The following KCNK12 variants were observed in gnomAD, a reference collection of about 807,000 sequenced individuals.
KCNK12 encodes the protein potassium channel subfamily K member 12.
KCNK12 carries 6 observed loss-of-function variants against 25.3 expected under a neutral mutation model. That is an observed-to-expected ratio of 0.24 (90% CI 0.13 to 0.47). The LOEUF (loss-of-function observed/expected upper bound fraction) is 0.47. Among genes scored for constraint, KCNK12 ranks in the 20% least tolerant of loss-of-function variants. KCNK12 has a pLI of 0.99. For missense variants in KCNK12, 444 were observed against 661.7 expected (o/e 0.67, Z 3.61); for synonymous variants, 331 against 311.1 (o/e 1.06, Z -0.67).
chr2:47,532,011 C>T (rs1391472345), intron 1 of KCNK12, among the ~76,000 whole-genome samples: 4 of 151,904 alleles, frequency 2.6e-5, no homozygotes, highest in Non-Finnish European at 1.5e-5. Context: ...CATGTCACTG[C>T]ACTCCAGCCT....
At chr2:47,558,553 CT>C (rs1438589228) in intron 1 of KCNK12, among the ~76,000 whole-genome samples, 9 of 152,340 alleles carry the variant, frequency 5.9e-5, no homozygotes, top group Non-Finnish European at 1.0e-4. Context: ...CCGTGCCTAC[CT>C]TTCCCCCTCG....
chr2:47,568,065 A>G (rs549295540), intron 1 of KCNK12, among the ~76,000 whole-genome samples: 1 of 152,160 alleles, frequency 6.6e-6, no homozygotes, highest in African/African-American at 2.4e-5. Flanking sequence ...GGATGGACTC[A>G]TGGCCCAAAA....
rs1036354730 is a variant in KCNK12, at chr2:47,562,052, C to T, written c.391+7889G>A. 2 of 398,504 alleles carry T rather than the reference C, an allele frequency of 5.0e-6. No homozygotes were observed. Among genetic ancestry groups the T allele is most frequent in the African/African-American group, 4.1e-5 (2 of 48,630 alleles). The allele number at this position is 398,504 out of a possible 1,614,324, so 24.7% of individuals were successfully genotyped here. On this transcript the variant is annotated intron_variant, in intron 1 of 1. Coordinates refer to ENST00000327876, the MANE Select transcript of KCNK12 (RefSeq NM_022055.2). This position sits in a 1 kb window ranked among gnomAD's most constrained non-coding sequence, Gnocchi z 4.8. ...TTAGTGGCAGAGCCAGGTCTAGACTCCTAGTGCCTGACTCACCGCTGTTCT... is the reference window on the plus strand; with the variant it reads ...TTAGTGGCAGAGCCAGGTCTAGACTTCTAGTGCCTGACTCACCGCTGTTCT...
chr2:47,522,744 T>C (rs12612785), intron 1 of KCNK12, among the ~76,000 whole-genome samples: 29,110 of 152,246 alleles, frequency 0.19, 3,743 homozygotes, highest in East Asian at 0.53. Context: ...GGGTAGTCCG[T>C]CACTTCCCTA....
In KCNK12 at chr2:47,551,105, G is replaced by A. The variant is rs72872826; in HGVS notation, c.391+18836C>T. Among the ~76,000 whole-genome samples the A allele has an allele frequency of 0.038, 5,855 of 152,176 alleles. 165 individuals carry two copies. The highest frequency in any genetic ancestry group is 0.072 in the African/African-American group (2,980 of 41,514). On this transcript the variant is annotated intron_variant, in intron 1 of 1. Coordinates refer to ENST00000327876, the MANE Select transcript of KCNK12 (RefSeq NM_022055.2). This position sits in a 1 kb window ranked among gnomAD's most constrained non-coding sequence, Gnocchi z 5.3. Reference sequence around the variant, plus strand: ...CCCAAAGGTCTTGCCGTGGCCTGGAGACCCTGCATGACCTAGTCTCTGGCT... The same window carrying A: ...CCCAAAGGTCTTGCCGTGGCCTGGAAACCCTGCATGACCTAGTCTCTGGCT...
Position 47,547,695 on chromosome 2 carries a change from T to G in KCNK12, c.391+22246A>C, listed in dbSNP as rs1383678760. Among the ~76,000 whole-genome samples the G allele has an allele frequency of 6.6e-6, 1 of 152,182 alleles. No individual in the cohort carries two copies. Among genetic ancestry groups the G allele is most frequent in the Non-Finnish European group, 1.5e-5 (1 of 68,036 alleles). On this transcript the variant is annotated intron_variant, in intron 1 of 1. Transcript: ENST00000327876. This position sits in a 1 kb window ranked among gnomAD's most constrained non-coding sequence, Gnocchi z 5.0. ...TCACAGCAACCTCTGCCTCCCTGTT[T>G]CAAGCGAGTCTCCTGCCTCAGCCTC...
rs904976688 is a variant in KCNK12 at position 47,538,936 on chromosome 2, A to G, written c.392-17128T>C. 6.6e-6 allele frequency among the ~76,000 whole-genome samples: 1 copy of G among 152,258 alleles called. No individual in the cohort carries two copies. Among genetic ancestry groups the G allele is most frequent in the Admixed American group, 6.5e-5 (1 of 15,288 alleles). ...AAAAAGAAATATAATATTCAAGTAG[A>G]TTTCAAGCAACAGCAGATATGCTGA... On this transcript the variant is annotated intron_variant, in intron 1 of 1. Transcript: ENST00000327876. This position sits in a 1 kb window ranked among gnomAD's most constrained non-coding sequence, Gnocchi z 4.5.
At chr2:47,567,724 C>T (rs528974792) in intron 1 of KCNK12, among the ~76,000 whole-genome samples, 1 of 152,214 alleles carries the variant, frequency 6.6e-6, no homozygotes, top group Non-Finnish European at 1.5e-5. Context: ...ATTTTGGAAG[C>T]AACGTGCTGG....
At chr2:47,539,159 G>A (rs1325644516) in intron 1 of KCNK12, among the ~76,000 whole-genome samples, 3 of 152,098 alleles carry the variant, frequency 2.0e-5, no homozygotes, top group African/African-American at 7.2e-5. Flanking sequence ...TTGTAGACAG[G>A]GAAACTGAAT....
chr2:47,550,668 C>T (rs974259769), intron 1 of KCNK12, among the ~76,000 whole-genome samples: 1 of 152,072 alleles, frequency 6.6e-6, no homozygotes, highest in Non-Finnish European at 1.5e-5. Context: ...CAGGTGTGAG[C>T]CACCACACCT....
chr2:47,563,663 A>G, intron 1 of KCNK12: 1 of 232,836 alleles, frequency 4.3e-6, no homozygotes, highest in East Asian at 6.0e-5. Context: ...ACTGGTCCGG[A>G]CTCCAGCCCC....
At chr2:47,563,176 T>A in intron 1 of KCNK12, 1 of 232,830 alleles carries the variant, frequency 4.3e-6, no homozygotes, top group East Asian at 6.0e-5. Flanking sequence ...CAAGCAGGAG[T>A]TTTTACCCAA....
rs1348087149 is a variant in KCNK12, at chr2:47,562,455, G to C, written c.391+7486C>G. On this transcript the variant is annotated intron_variant, in intron 1 of 1. Coordinates refer to ENST00000327876, the MANE Select transcript of KCNK12 (RefSeq NM_022055.2). The surrounding 1 kb of genome is among the most constrained non-coding windows in gnomAD (Gnocchi z 4.8). Reference sequence around the variant, plus strand: ...CACACCAGTTACCACTGACCTGCTAGTAAGCCAGGAACTTAGCCCCATGTT... The same window carrying C: ...CACACCAGTTACCACTGACCTGCTACTAAGCCAGGAACTTAGCCCCATGTT... The C allele has an allele frequency of 3.8e-6, 1 of 262,080 alleles. No individual in the cohort carries two copies. Among genetic ancestry groups the C allele is most frequent in the African/African-American group, 2.2e-5 (1 of 46,272 alleles). 16.2% of individuals were successfully genotyped at this position (262,080 alleles called of 1,614,324 possible). A position where few individuals can be genotyped will look rare whatever the true frequency, so the allele number is the denominator to read the frequency against.
intron 1 of KCNK12, among the ~76,000 whole-genome samples, chr2:47,552,918 G>C (rs562309701): frequency 6.6e-6 from 1 of 152,322 alleles, no homozygotes; most frequent in African/African-American, 2.4e-5. Context: ...GAGTCTTGTT[G>C]AGTGCCGATA....
intron 1 of KCNK12, among the ~76,000 whole-genome samples, chr2:47,541,525 G>A (rs1328382633): frequency 6.6e-6 from 1 of 151,934 alleles, no homozygotes; most frequent in East Asian, 1.9e-4. Flanking sequence ...GACCTCCTGG[G>A]CCCCTGTTCT....
chr2:47,524,680 G>T (rs544659253), intron 1 of KCNK12, among the ~76,000 whole-genome samples: 1 of 152,164 alleles, frequency 6.6e-6, no homozygotes, highest in Non-Finnish European at 1.5e-5. Flanking sequence ...GTTGACCTGG[G>T]TGGTAGTTAC....
In KCNK12 at chr2:47,533,775, T is replaced by A. The variant is rs896313747; in HGVS notation, c.392-11967A>T. Among the ~76,000 whole-genome samples, 1 of 152,188 alleles carries A rather than the reference T, an allele frequency of 6.6e-6. No individual in the cohort carries two copies. The highest frequency in any genetic ancestry group is 2.4e-5 in the African/African-American group (1 of 41,440). The stretch of plus-strand genomic sequence containing the variant: ...AGCTGAGACCGTGGGCTGCTCTATT[T>A]GTTGGCGCTTGCTGGTTTGTCTGAT... On this transcript the variant is annotated intron_variant, in intron 1 of 1. Coordinates refer to ENST00000327876, the MANE Select transcript of KCNK12 (RefSeq NM_022055.2). This position sits in a 1 kb window ranked among gnomAD's most constrained non-coding sequence, Gnocchi z 4.7.
At chr2:47,558,884 TC>T (rs2104876290) in intron 1 of KCNK12, among the ~76,000 whole-genome samples, 1 of 152,294 alleles carries the variant, frequency 6.6e-6, no homozygotes, top group East Asian at 1.9e-4. Flanking sequence ...TGATTAAACT[TC>T]CGTCAAATGT....
chr2:47,554,091 G>A (rs1318255488), intron 1 of KCNK12, among the ~76,000 whole-genome samples: 1 of 152,186 alleles, frequency 6.6e-6, no homozygotes, highest in Non-Finnish European at 1.5e-5. Context: ...TGATACAGGT[G>A]TTATTATGAT....
Sources: allele counts gnomAD v4.1 joint callset (sites outside exome capture counted in the v4.1 genomes callset), GRCh38; gene constraint gnomAD v4.1.1; non-coding constraint Gnocchi (gnomAD v3.1); transcripts MANE v1.5; gene names NCBI Gene and HGNC (gene_info 2026-07-23, HGNC 2026-07-21).